Variants in KCNH1 observed in about 807,000 individuals in gnomAD.
The protein encoded by KCNH1 is potassium voltage-gated channel subfamily H member 1, also known as voltage-gated delayed rectifier potassium channel KCNH1.
KCNH1 carries 27 observed loss-of-function variants against 69.2 expected under a neutral mutation model. That is an observed-to-expected ratio of 0.39 (90% CI 0.29 to 0.54). The LOEUF is 0.54. Ranked by LOEUF, KCNH1 falls within the 20% of genes least tolerant of loss-of-function variation. KCNH1 has a pLI of 0.68. For synonymous variants in KCNH1, 456 were observed against 487.7 expected, an observed-to-expected ratio of 0.93 and a Z score of 0.86; for missense variants, 798 against 1,261.6, an observed-to-expected ratio of 0.63 and a Z score of 5.57.
chr1:211,010,883 T>C (rs956252414), intron 6 of KCNH1, among the ~76,000 whole-genome samples: 5 of 152,092 alleles, frequency 3.3e-5, no homozygotes, highest in African/African-American at 1.2e-4. Context: ...AGAACTTGGA[T>C]TGGCCAGAGA....
chr1:211,093,552 C>G (rs1359308480), intron 3 of KCNH1, among the ~76,000 whole-genome samples: 1 of 152,210 alleles, frequency 6.6e-6, no homozygotes, highest in Non-Finnish European at 1.5e-5. Flanking sequence ...TCCCAAAGTG[C>G]TGGGATTACA....
At chr1:211,006,427 A>T (rs1689286346) in intron 6 of KCNH1, among the ~76,000 whole-genome samples, 1 of 152,220 alleles carries the variant, frequency 6.6e-6, no homozygotes, top group African/African-American at 2.4e-5. Flanking sequence ...AGCAGTACTG[A>T]ACAAAATGAG....
At chr1:211,111,495 G>A (rs904352699) in intron 1 of KCNH1, among the ~76,000 whole-genome samples, 2 of 146,714 alleles carry the variant, frequency 1.4e-5, no homozygotes, top group Non-Finnish European at 3.0e-5. Context: ...AAGTGAGAAC[G>A]GCCTCTCCTT....
chr1:210,693,572 G>A (rs1035038723), intron 10 of KCNH1, among the ~76,000 whole-genome samples: 1 of 152,194 alleles, frequency 6.6e-6, no homozygotes, highest in Non-Finnish European at 1.5e-5. Context: ...CCCACTTCTA[G>A]ACATACACAC....
intron 5 of KCNH1, among the ~76,000 whole-genome samples, chr1:211,050,809 T>C (rs1690191805): frequency 2.0e-5 from 3 of 151,996 alleles, no homozygotes; most frequent in African/African-American, 7.3e-5. Flanking sequence ...GAGGAAGGAG[T>C]TAATGTGAAA....
chr1:210,812,650 T>C (rs1684730070), intron 7 of KCNH1, among the ~76,000 whole-genome samples: 1 of 152,202 alleles, frequency 6.6e-6, no homozygotes, highest in African/African-American at 2.4e-5. Context: ...TGCTGTTGCC[T>C]ATGCAGGGTG....
intron 6 of KCNH1, among the ~76,000 whole-genome samples, chr1:210,996,170 C>T (rs58716326): frequency 0.024 from 3,668 of 152,140 alleles, 155 homozygotes; most frequent in African/African-American, 0.084. Context: ...GTGCACGAGC[C>T]GAAGCAGGGT....
At chr1:210,778,783 G>C (rs1263791234) in intron 9 of KCNH1, among the ~76,000 whole-genome samples, 2 of 152,176 alleles carry the variant, frequency 1.3e-5, no homozygotes, top group Non-Finnish European at 2.9e-5. Context: ...ACTATTGAGA[G>C]TAGAAGCTAG....
At chr1:210,753,504 G>A (rs1436839148) in intron 10 of KCNH1, among the ~76,000 whole-genome samples, 1 of 152,222 alleles carries the variant, frequency 6.6e-6, no homozygotes, top group Non-Finnish European at 1.5e-5. Context: ...AGCAGGGTCT[G>A]TCCTGGACAC....
At position 211,050,260 on chromosome 1, in the gene KCNH1, T is replaced by TAAAAAAAAAAAAAAAAAAAAAAAAAA. The variant is rs747498526; in HGVS notation, c.559-31030_559-31005dup. Among the ~76,000 whole-genome samples the TAAAAAAAAAAAAAAAAAAAAAAAAAA allele has an allele frequency of 2.2e-4, 13 of 58,578 alleles. 3 individuals are homozygous for TAAAAAAAAAAAAAAAAAAAAAAAAAA. Among genetic ancestry groups the TAAAAAAAAAAAAAAAAAAAAAAAAAA allele is most frequent in the Non-Finnish European group, 3.7e-4 (12 of 32,572 alleles). 38.4% of individuals were successfully genotyped at this position (58,578 alleles called of 152,430 possible). ...AGGACAAACTCAGCCCACACATTCT[T>TAAAAAAAAAAAAAAAAAAAAAAAAAA]AAAAAAAAAAAAAAAAAAAAAAAAA... On this transcript the variant is annotated intron_variant, in intron 5 of 10. Coordinates refer to ENST00000271751, the MANE Select transcript of KCNH1 (RefSeq NM_172362.3).
At chr1:210,694,476 C>A (rs1681595158) in intron 10 of KCNH1, among the ~76,000 whole-genome samples, 1 of 152,154 alleles carries the variant, frequency 6.6e-6, no homozygotes, top group South Asian at 2.1e-4. Flanking sequence ...GTATTCCCAT[C>A]CATGCTGCCT....
intron 7 of KCNH1, among the ~76,000 whole-genome samples, chr1:210,835,204 C>A (rs1463867187): frequency 6.6e-6 from 1 of 152,162 alleles, no homozygotes; most frequent in African/African-American, 2.4e-5. Context: ...TAGGCACAAA[C>A]AAGGTAAGGT....
chr1:211,107,519 C>A, intron 1 of KCNH1, 142 bp from the exon 2 acceptor site: 1 of 825,886 alleles, frequency 1.2e-6, no homozygotes, highest in East Asian at 2.6e-5. Context: ...AAATGTCGCC[C>A]TGTAAGGAAT....
At chr1:210,985,532 C>T (rs368432241) in intron 6 of KCNH1, among the ~76,000 whole-genome samples, 128 of 152,234 alleles carry the variant, frequency 8.4e-4, no homozygotes, top group African/African-American at 2.6e-3. Flanking sequence ...GCCTTCATTT[C>T]GTTATGTACC....
At chr1:210,697,380 C>A (rs984454717) in intron 10 of KCNH1, among the ~76,000 whole-genome samples, 2 of 152,226 alleles carry the variant, frequency 1.3e-5, no homozygotes, top group African/African-American at 4.8e-5. Context: ...CTGCTGATAA[C>A]CCAGACCCCG....
intron 7 of KCNH1, among the ~76,000 whole-genome samples, chr1:210,809,267 C>T (rs947088086): frequency 1.3e-5 from 2 of 151,972 alleles, no homozygotes; most frequent in Non-Finnish European, 2.9e-5. Context: ...TGTGCCATTG[C>T]CATTTGTGTG....
intron 7 of KCNH1, among the ~76,000 whole-genome samples, chr1:210,805,727 A>G (rs762491615): frequency 6.6e-6 from 1 of 152,160 alleles, no homozygotes; most frequent in Non-Finnish European, 1.5e-5. Context: ...AATAAACCCC[A>G]TACCCATTAA....
chr1:210,945,616 G>C (rs1319221472), intron 6 of KCNH1, among the ~76,000 whole-genome samples: 1 of 152,138 alleles, frequency 6.6e-6, no homozygotes, highest in African/African-American at 2.4e-5. Context: ...ATTCTGTAAT[G>C]CTCTCTCTCC....
At chr1:210,768,552 T>A (rs76744842) in intron 10 of KCNH1, among the ~76,000 whole-genome samples, 2,828 of 152,076 alleles carry the variant, frequency 0.019, 89 homozygotes, top group African/African-American at 0.065. Context: ...GCCTGGCACT[T>A]TCTCACTCTT....
Sources: gnomAD v4.1 joint callset for allele counts (sites outside exome capture counted in the v4.1 genomes callset) on GRCh38, gnomAD v4.1.1 for gene constraint, MANE v1.5 for transcripts, NCBI Gene and HGNC (gene_info 2026-07-23, HGNC 2026-07-21) for gene names.